LINC00305: variants seen among roughly 807,000 people sequenced by gnomAD.
The protein encoded by LINC00305 is long independently transcribed non-coding RNA 305.
intron 1 of LINC00305, among the ~76,000 whole-genome samples, chr18:64,126,979 C>T (rs566856596): frequency 1.6e-4 from 24 of 152,072 alleles, no homozygotes; most frequent in East Asian, 1.5e-3. Flanking sequence ...ATTTTAGATT[C>T]GGAGGTACAT....
chr18:64,105,498 T>C (rs1359585035), intron 1 of LINC00305, among the ~76,000 whole-genome samples: 1 of 152,030 alleles, frequency 6.6e-6, no homozygotes, highest in African/African-American at 2.4e-5. Flanking sequence ...TCTAGTGAAA[T>C]TGATCATTAA....
intron 1 of LINC00305, among the ~76,000 whole-genome samples, chr18:64,132,606 C>T (rs2051414909): frequency 6.6e-6 from 1 of 152,098 alleles, no homozygotes; most frequent in Non-Finnish European, 1.5e-5. Flanking sequence ...AACTTTAGAC[C>T]ACATTCCCAC....
intron 1 of LINC00305, among the ~76,000 whole-genome samples, chr18:64,142,253 A>T (rs1312618450): frequency 6.6e-6 from 1 of 152,158 alleles, no homozygotes; most frequent in Admixed American, 6.5e-5. Flanking sequence ...AATGTTATGA[A>T]ATTGAATAGG....
intron 1 of LINC00305, among the ~76,000 whole-genome samples, chr18:64,130,279 A>C (rs1460766104): frequency 6.6e-6 from 1 of 152,162 alleles, no homozygotes; most frequent in Admixed American, 6.6e-5. Flanking sequence ...CTTTATACAT[A>C]ATATGTGCTC....
At chr18:64,086,865 A>T (rs2051205527) in intron 3 of LINC00305, among the ~76,000 whole-genome samples, 1 of 152,236 alleles carries the variant, frequency 6.6e-6, no homozygotes, top group African/African-American at 2.4e-5. Flanking sequence ...TGAATAATTT[A>T]TAAGGTAGCA....
At chr18:64,109,543 T>G (rs969697495) in intron 1 of LINC00305, among the ~76,000 whole-genome samples, 2 of 152,234 alleles carry the variant, frequency 1.3e-5, no homozygotes, top group Non-Finnish European at 2.9e-5. Flanking sequence ...ATTTATTCAT[T>G]GTCATCATCG....
At chr18:64,123,039 C>T (rs1190249610) in intron 1 of LINC00305, among the ~76,000 whole-genome samples, 1 of 151,978 alleles carries the variant, frequency 6.6e-6, no homozygotes, top group Non-Finnish European at 1.5e-5. Flanking sequence ...ACTGATTTTG[C>T]ATCCTGCTGA....
chr18:64,086,532 C>A (rs553575999), intron 3 of LINC00305, among the ~76,000 whole-genome samples: 4 of 152,350 alleles, frequency 2.6e-5, no homozygotes, highest in African/African-American at 9.6e-5. Context: ...AATAGCTGCT[C>A]ATTTGACCTT....
chr18:64,133,043 A>G lies in LINC00305; in HGVS notation n.314+15732T>C, dbSNP rs184024576. 7.0e-4 allele frequency among the ~76,000 whole-genome samples: 106 copies of G among 152,344 alleles called. 1 individual carries two copies. In the East Asian group the frequency reaches 0.02, roughly 28 times the overall value. ...GACACGATATGGCAGAAGCTCAGCC[A>G]GAAGAGCCTCCTGTTGTCACTGTTG... On this transcript the variant is annotated intron_variant and non_coding_transcript_variant, in intron 1 of 3. Coordinates refer to ENST00000666468, the Ensembl canonical transcript of LINC00305.
intron 1 of LINC00305, among the ~76,000 whole-genome samples, chr18:64,099,607 C>T (rs2144238805): frequency 6.6e-6 from 1 of 152,256 alleles, no homozygotes; most frequent in East Asian, 1.9e-4. Context: ...TTTACCTTGT[C>T]TTTTTCCTGT....
intron 1 of LINC00305, among the ~76,000 whole-genome samples, chr18:64,139,980 G>A (rs988731079): frequency 3.3e-5 from 5 of 152,022 alleles, no homozygotes; most frequent in African/African-American, 1.2e-4. Context: ...TGCTGTTCCA[G>A]TGACACTGAC....
At chr18:64,101,339 A>G (rs2051267320) in intron 1 of LINC00305, among the ~76,000 whole-genome samples, 1 of 152,204 alleles carries the variant, frequency 6.6e-6, no homozygotes, top group Admixed American at 6.5e-5. Flanking sequence ...ACAGAGTTCC[A>G]GAAGCTGGGT....
At chr18:64,131,678 T>C (rs909284492) in intron 1 of LINC00305, among the ~76,000 whole-genome samples, 2 of 152,172 alleles carry the variant, frequency 1.3e-5, no homozygotes, top group Non-Finnish European at 2.9e-5. Context: ...TAGCCTATGA[T>C]GGTAATTTAT....
intron 3 of LINC00305, among the ~76,000 whole-genome samples, chr18:64,084,029 G>A (rs1281235213): frequency 6.6e-6 from 1 of 152,146 alleles, no homozygotes; most frequent in Non-Finnish European, 1.5e-5. Flanking sequence ...AAGCTCCATG[G>A]TTTGCATGCA....
chr18:64,143,617 C>CACATATGCATATGTACATATGTAT (rs1568120144), intron 1 of LINC00305, among the ~76,000 whole-genome samples: 2 of 115,034 alleles, frequency 1.7e-5, no homozygotes, highest in African/African-American at 7.0e-5. Flanking sequence ...TACATATGTA[C>CACATATGCATATGTACATATGTAT]ACATATGTAT....
At chr18:64,083,601 C>G (rs2144890669) in intron 3 of LINC00305, among the ~76,000 whole-genome samples, 1 of 152,274 alleles carries the variant, frequency 6.6e-6, no homozygotes, top group South Asian at 2.1e-4. Context: ...TGGTAAAGAA[C>G]CAAGTGGTGC....
At chr18:64,129,621 G>A (rs2051400442) in intron 1 of LINC00305, among the ~76,000 whole-genome samples, 1 of 152,034 alleles carries the variant, frequency 6.6e-6, no homozygotes, top group African/African-American at 2.4e-5. Context: ...TTCCTATTCA[G>A]GAATCTTCTG....
chr18:64,135,967 G>A (rs75788467), intron 1 of LINC00305, among the ~76,000 whole-genome samples: 2 of 152,246 alleles, frequency 1.3e-5, no homozygotes, highest in East Asian at 1.9e-4. Context: ...GGGGAGGGAC[G>A]GACGTGGAGG....
intron 1 of LINC00305, among the ~76,000 whole-genome samples, chr18:64,125,005 C>T (rs1599223551): frequency 6.6e-6 from 1 of 152,026 alleles, no homozygotes; most frequent in Non-Finnish European, 1.5e-5. Flanking sequence ...CTTTTCCTAA[C>T]CATCCATCAT....
Sources: gnomAD v4.1 joint callset for allele counts (sites outside exome capture counted in the v4.1 genomes callset) on GRCh38, gnomAD v4.1.1 for gene constraint, MANE v1.5 for transcripts, NCBI Gene and HGNC (gene_info 2026-07-23, HGNC 2026-07-21) for gene names.